BCAR1: variants seen among roughly 807,000 people sequenced by gnomAD.
BCAR1 encodes BCAR1 scaffold protein, Cas family member.
A neutral mutation model predicts 67.6 loss-of-function variants in BCAR1; 30 were observed. The ratio of observed to expected loss-of-function variants is 0.44; its 90% CI spans 0.33 to 0.60. BCAR1 has a LOEUF of 0.60. Ranked by LOEUF, BCAR1 falls within the 20% of genes least tolerant of loss-of-function variation. The pLI is 0.02. For synonymous variants in BCAR1, 626 were observed against 556.7 expected (o/e 1.12, Z -1.75); for missense variants, 1,313 against 1,222.3 (o/e 1.07, Z -1.11).
intron 1 of BCAR1, chr16:75,248,234 G>C: frequency 6.6e-7 from 1 of 1,523,508 alleles, no homozygotes; most frequent in Non-Finnish European, 8.7e-7. Flanking sequence ...AAATGTCACA[G>C]GCCTTTCCCA....
chr16:75,251,071 C>T (rs997443813), intron 1 of BCAR1: 2 of 752,792 alleles, frequency 2.7e-6, no homozygotes, highest in African/African-American at 3.8e-5. Context: ...CACGCCACAC[C>T]AGCCGGACCA....
Position 75,234,979 on chromosome 16 carries a change from G to A in BCAR1, c.1920C>T (p.Pro640=). Residue 640 remains proline (P), a synonymous_variant, in exon 5 of 7, where the codon CCC becomes CCT. Coordinates refer to ENST00000162330, the MANE Select transcript of BCAR1 (RefSeq NM_014567.5). ...SSIQSRPLPS[P]PKFTSQDSPD... Reference sequence around the variant, plus strand: ...GCGAGTCCTGGGAGGTGAACTTAGGGGGTGAGGGCAGGGGTCGTGACTGGA... The same window carrying A: ...GCGAGTCCTGGGAGGTGAACTTAGGAGGTGAGGGCAGGGGTCGTGACTGGA... 1 of 1,605,290 alleles carries A rather than the reference G, an allele frequency of 6.2e-7. No homozygotes were observed. The highest frequency in any genetic ancestry group is 8.5e-7 in the Non-Finnish European group (1 of 1,173,570).
At chr16:75,253,077 G>C (rs982628359), upstream of BCAR1, among the ~76,000 whole-genome samples, 1 of 152,240 alleles carries the variant, frequency 6.6e-6, no homozygotes, top group Non-Finnish European at 1.5e-5. Context: ...AGGAGGAACA[G>C]AACAGCTAGC....
At chr16:75,262,728 G>T (rs2077932131) in intron 1 of BCAR1, among the ~76,000 whole-genome samples, 1 of 152,232 alleles carries the variant, frequency 6.6e-6, no homozygotes, top group Non-Finnish European at 1.5e-5. Context: ...GCTGGCCAAG[G>T]TTTCAACCAG....
chr16:75,231,042 T>TC (rs112981440), intron 6 of BCAR1, among the ~76,000 whole-genome samples: 1 of 151,444 alleles, frequency 6.6e-6, no homozygotes, highest in African/African-American at 2.4e-5. Context: ...TTTTTTTTTT[T>TC]CAATACTATT....
intron 1 of BCAR1, chr16:75,264,371 G>A: frequency 6.5e-7 from 1 of 1,530,682 alleles, no homozygotes; most frequent in Non-Finnish European, 8.7e-7. Context: ...GCAGGCTCAG[G>A]TGGTCCGCCT....
intron 1 of BCAR1, among the ~76,000 whole-genome samples, chr16:75,261,358 T>C (rs946798647): frequency 6.6e-6 from 1 of 152,236 alleles, no homozygotes; most frequent in Non-Finnish European, 1.5e-5. Context: ...TGGGGAGGTC[T>C]GCAGGTATCA....
intron 5 of BCAR1, 147 bp from the exon 6 acceptor site, chr16:75,234,082 C>G (rs1395109598): frequency 1.4e-6 from 1 of 698,792 alleles, no homozygotes; most frequent in African/African-American, 1.8e-5. Context: ...CGCACACACA[C>G]ACTAGCACAC....
rs117366587 is a variant in BCAR1 at position 75,235,783 on chromosome 16, G to A, written c.1116C>T (p.Tyr372=). Residue 372 remains tyrosine (Y), a synonymous_variant, in exon 5 of 7, where the codon TAC becomes TAT. Coordinates refer to ENST00000162330, the MANE Select transcript of BCAR1 (RefSeq NM_014567.5). The part of the protein sequence containing the change: ...YDVPPPAPDL[Y]DVPPGLRRPG... ...GCCGCCGCAAGCCAGGGGGCACGTC[G>A]TAGAGGTCAGGAGCCGGGGGCGGCA... 1.9e-4 allele frequency: 298 copies of A among 1,594,202 alleles called. No homozygotes were observed. In the African/African-American group the frequency reaches 2.3e-3, roughly 12 times the overall value.
chr16:75,236,037 C>T lies in BCAR1; in HGVS notation c.913-51G>A, dbSNP rs369065583. 40 of 1,523,630 alleles carry T rather than the reference C, an allele frequency of 2.6e-5. No homozygotes were observed. The African/African-American group carries it at 5.5e-4, about 21-fold the overall frequency. 94.4% of individuals were successfully genotyped at this position (1,523,630 alleles called of 1,614,324 possible). A position where few individuals can be genotyped will look rare whatever the true frequency, so the allele number is the denominator to read the frequency against. On this transcript the variant is annotated intron_variant, in intron 4 of 6. Transcript: ENST00000162330. ...TGTCCATCTGTCCATCTGCCCACCC[C>T]AGGGACTGGGGGCAGCACCCAGCCA... is the stretch of plus-strand genomic sequence containing the variant.
In BCAR1 at chr16:75,229,238, A is replaced by C; in HGVS notation, c.*273T>G. The C allele has an allele frequency of 2.4e-6, 1 of 425,316 alleles. No homozygotes were observed. Among genetic ancestry groups the C allele is most frequent in the Non-Finnish European group, 4.1e-6 (1 of 242,494 alleles). 26.3% of individuals were successfully genotyped at this position (425,316 alleles called of 1,614,324 possible). On this transcript the variant is annotated 3_prime_UTR_variant, in exon 7 of 7. Transcript: ENST00000162330. ...AGGTCCTGCAGGCTGCAGGACCCTC[A>C]CACTCCAGCCCCGTCTGGTGACCCA...
chr16:75,231,243 C>T (rs1238461767), intron 6 of BCAR1, among the ~76,000 whole-genome samples: 4 of 152,046 alleles, frequency 2.6e-5, no homozygotes, highest in East Asian at 1.9e-4. Flanking sequence ...CGCCACCACC[C>T]CTGGCTAATT....
intron 2 of BCAR1, among the ~76,000 whole-genome samples, chr16:75,242,121 A>G (rs1443323104): frequency 1.3e-5 from 2 of 152,168 alleles, no homozygotes; most frequent in East Asian, 3.9e-4. Flanking sequence ...CTGAGCATGA[A>G]GTGGCTGGCC....
intron 6 of BCAR1, among the ~76,000 whole-genome samples, chr16:75,232,347 A>G (rs1229904223): frequency 1.3e-5 from 2 of 151,670 alleles, no homozygotes; most frequent in African/African-American, 4.9e-5. Context: ...TTTAGTAGAG[A>G]TGGGGTTTTG....
At position 75,233,838 on chromosome 16, in the gene BCAR1, G is replaced by A. The variant is rs771949274; in HGVS notation, c.2100+8C>T. ...AAAGCTGGGCCTTGCTCTGCTCCGG[G>A]GCCTCACCTGCTGCAACTCCAGCTG... On this transcript the variant is annotated splice_region_variant and intron_variant, in intron 6 of 6. Coordinates refer to ENST00000162330, the MANE Select transcript of BCAR1 (RefSeq NM_014567.5). 7 of 1,597,200 alleles carry A rather than the reference G, an allele frequency of 4.4e-6. No individual in the cohort carries two copies. The Admixed American group carries it at 6.9e-5, about 16-fold the overall frequency.
intron 2 of BCAR1, 84 bp downstream of exon 2, chr16:75,242,386 A>G (rs1335191608): frequency 1.2e-5 from 16 of 1,321,088 alleles, no homozygotes. Context: ...CCGGTGATTG[A>G]GGGTGGCTGG....
At chr16:75,243,523 T>C in intron 1 of BCAR1, 1 of 511,290 alleles carries the variant, frequency 2.0e-6, no homozygotes, top group Non-Finnish European at 3.9e-6. Flanking sequence ...GAACAGCTTC[T>C]TAGGATAAAA....
At chr16:75,245,905 C>A (rs945304017) in intron 1 of BCAR1, 1 of 149,538 alleles carries the variant, frequency 6.7e-6, no homozygotes, top group African/African-American at 2.5e-5. Flanking sequence ...AATCCCTTAG[C>A]CTCTCTGAGC....
intron 2 of BCAR1, chr16:75,238,426 G>C (rs1597205607): frequency 9.6e-7 from 1 of 1,037,186 alleles, no homozygotes; most frequent in Non-Finnish European, 1.2e-6. Context: ...CCCCAGGGCA[G>C]CAGCGCCAAA....
Sources: allele counts gnomAD v4.1 joint callset (sites outside exome capture counted in the v4.1 genomes callset), GRCh38; gene constraint gnomAD v4.1.1; transcripts MANE v1.5; gene names NCBI Gene and HGNC (gene_info 2026-07-23, HGNC 2026-07-21).